Variants in CDK19 observed in about 807,000 individuals in gnomAD.
The protein encoded by CDK19 is cyclin-dependent kinase 19.
A neutral mutation model predicts 68.3 loss-of-function variants in CDK19; 20 were observed. The ratio of observed to expected loss-of-function variants is 0.29; its 90% CI spans 0.21 to 0.43. The LOEUF (loss-of-function observed/expected upper bound fraction) is 0.43, where lower values mean the gene tolerates loss of function less well. Ranked by LOEUF, CDK19 falls within the 20% of genes least tolerant of loss-of-function variation. CDK19 has a pLI of 1.00. For missense variants in CDK19, 339 were observed against 623.5 expected, an observed-to-expected ratio of 0.54 and a Z score of 4.86; for synonymous variants, 221 against 222.8, an observed-to-expected ratio of 0.99 and a Z score of 0.07.
chr6:110,667,611 G>A (rs774724858), intron 3 of CDK19, 37 bp from the exon 4 acceptor site: 23 of 1,166,738 alleles, frequency 2.0e-5, no homozygotes, highest in Non-Finnish European at 3.6e-6. Context: ...TATAGTCTTT[G>A]CTAATATCTA....
intron 2 of CDK19, among the ~76,000 whole-genome samples, chr6:110,734,818 G>A (rs1777116355): frequency 6.6e-6 from 1 of 152,056 alleles, no homozygotes; most frequent in East Asian, 1.9e-4. Context: ...GAGGGAAAGG[G>A]AAAAACTGTA....
At chr6:110,743,022 AC>A in intron 2 of CDK19, among the ~76,000 whole-genome samples, 1 of 152,074 alleles carries the variant, frequency 6.6e-6, no homozygotes, top group Non-Finnish European at 1.5e-5. Context: ...ATGTGATGTT[AC>A]CCCCGGAGGC....
At chr6:110,809,140 A>G (rs1278763251) in intron 1 of CDK19, among the ~76,000 whole-genome samples, 3 of 151,748 alleles carry the variant, frequency 2.0e-5, no homozygotes, top group Non-Finnish European at 4.4e-5. Context: ...GCATGAACCC[A>G]GGAGGCGCAG....
chr6:110,638,275 A>G (rs1779913463), intron 5 of CDK19, among the ~76,000 whole-genome samples: 1 of 152,160 alleles, frequency 6.6e-6, no homozygotes, highest in Non-Finnish European at 1.5e-5. Flanking sequence ...CAGGGTGGGG[A>G]GGAAAATATT....
intron 1 of CDK19, among the ~76,000 whole-genome samples, chr6:110,774,824 C>T (rs1780279130): frequency 6.6e-6 from 1 of 152,210 alleles, no homozygotes; most frequent in Admixed American, 6.5e-5. Flanking sequence ...CAGTGCACAC[C>T]TGTAGTCCCA....
At position 110,621,277 on chromosome 6, in the gene CDK19, T is replaced by C; in HGVS notation, c.1204A>G (p.Ser402Gly). ...PPQAPPPQQN[S>G]TQTNGTAGGA... ...CCTGCGGTCCCGTTGGTCTGGGTGC[T>C]GTTCTGCTGTGGTGGGGGCGCCTGT... Residue 402 changes from serine (S) to glycine (G), a missense_variant, in exon 12 of 13, where the codon AGC becomes GGC. Coordinates refer to ENST00000368911, the MANE Select transcript of CDK19 (RefSeq NM_015076.5). This position sits in a 1 kb window ranked among gnomAD's most constrained non-coding sequence, Gnocchi z 5.4. 2.5e-6 allele frequency: 4 copies of C among 1,612,910 alleles called. No homozygotes were observed. Among genetic ancestry groups the C allele is most frequent in the Non-Finnish European group, 3.4e-6 (4 of 1,179,580 alleles).
intron 4 of CDK19, chr6:110,643,323 G>A: frequency 1.8e-6 from 1 of 558,092 alleles, no homozygotes; most frequent in South Asian, 1.7e-5. Flanking sequence ...AAAGCTGAAA[G>A]TAAAAGGCAA....
intron 6 of CDK19, among the ~76,000 whole-genome samples, chr6:110,628,635 C>T (rs777705183): frequency 3.9e-5 from 6 of 152,028 alleles, no homozygotes; most frequent in Non-Finnish European, 7.3e-5. Flanking sequence ...TTCAGGCATC[C>T]CCTGGGGGGG....
intron 1 of CDK19, among the ~76,000 whole-genome samples, chr6:110,783,130 T>C (rs911543754): frequency 6.6e-6 from 1 of 152,138 alleles, no homozygotes; most frequent in Non-Finnish European, 1.5e-5. Context: ...TAAAATAAAA[T>C]GACACTTTGC....
At chr6:110,629,636 G>A (rs1276015297) in intron 6 of CDK19, among the ~76,000 whole-genome samples, 1 of 152,208 alleles carries the variant, frequency 6.6e-6, no homozygotes, top group Admixed American at 6.5e-5. Context: ...TTACAGACAT[G>A]AGGCACCTTG....
At chr6:110,691,249 C>G (rs1772959682) in intron 2 of CDK19, among the ~76,000 whole-genome samples, 1 of 152,100 alleles carries the variant, frequency 6.6e-6, no homozygotes, top group African/African-American at 2.4e-5. Flanking sequence ...CCAAGGTGGG[C>G]AGATCGTGAA....
At chr6:110,742,938 C>T (rs888528838) in intron 2 of CDK19, among the ~76,000 whole-genome samples, 2 of 152,066 alleles carry the variant, frequency 1.3e-5, no homozygotes, top group Non-Finnish European at 1.5e-5. Context: ...TGTATGTATA[C>T]CCCCTCCCCT....
intron 2 of CDK19, among the ~76,000 whole-genome samples, chr6:110,739,089 AAGTC>A (rs1206379644): frequency 2.0e-5 from 3 of 152,314 alleles, no homozygotes; most frequent in African/African-American, 7.2e-5. Flanking sequence ...CAGTCTGAAG[AAGTC>A]AGTATTTCCC....
chr6:110,624,469 A>G (rs1363792495), intron 8 of CDK19, among the ~76,000 whole-genome samples: 3 of 152,198 alleles, frequency 2.0e-5, no homozygotes, highest in African/African-American at 7.2e-5. Context: ...AGTATAGAAG[A>G]AAATTAAAAT....
At chr6:110,810,572 C>T (rs1189009632) in intron 1 of CDK19, among the ~76,000 whole-genome samples, 3 of 151,998 alleles carry the variant, frequency 2.0e-5, no homozygotes, top group South Asian at 2.1e-4. Context: ...GTTGGGAGTT[C>T]GAGACCAGCC....
At chr6:110,683,458 T>C (rs1192259536) in intron 2 of CDK19, among the ~76,000 whole-genome samples, 20 of 152,120 alleles carry the variant, frequency 1.3e-4, no homozygotes, top group Admixed American at 1.0e-3. Context: ...CCACAGCATT[T>C]CCTTGCCAAA....
intron 2 of CDK19, among the ~76,000 whole-genome samples, chr6:110,729,490 AC>A (rs1450509865): frequency 2.0e-5 from 3 of 152,132 alleles, no homozygotes; most frequent in Non-Finnish European, 4.4e-5. Flanking sequence ...GTGCAGTGGC[AC>A]AATCTCAGTT....
chr6:110,675,982 T>C (rs867155148), intron 2 of CDK19, among the ~76,000 whole-genome samples: 19 of 152,326 alleles, frequency 1.2e-4, no homozygotes, highest in African/African-American at 4.6e-4. Context: ...CTGCCATAGA[T>C]TGTGATTTCT....
intron 1 of CDK19, among the ~76,000 whole-genome samples, chr6:110,764,018 A>C (rs1365108125): frequency 6.6e-6 from 1 of 152,182 alleles, no homozygotes; most frequent in Non-Finnish European, 1.5e-5. Flanking sequence ...CAACCCAAAA[A>C]AGAAATATTA....
Sources: gnomAD v4.1 joint callset for allele counts (sites outside exome capture counted in the v4.1 genomes callset) on GRCh38, gnomAD v4.1.1 for gene constraint, Gnocchi (gnomAD v3.1) non-coding constraint, MANE v1.5 for transcripts, NCBI Gene and HGNC (gene_info 2026-07-23, HGNC 2026-07-21) for gene names.